The following ARK2N variants were observed in gnomAD, a reference collection of about 807,000 sequenced individuals.
ARK2N encodes arkadia (RNF111) N-terminal like PKA signaling regulator 2N, also known as protein ARK2N.
At chr18:46,216,035 TTTC>T in the ARK2N span, 1 of 1,614,132 alleles carries the variant, frequency 6.2e-7, no homozygotes, top group South Asian at 1.1e-5. The surrounding 1 kb of genome is among the most constrained non-coding windows in gnomAD (Gnocchi z 4.3). Context: ...TCTACAGTTA[TTTC>T]TTCAATGCCC....
At chr18:46,262,992 G>T in the ARK2N span, 15 of 1,614,004 alleles carry the variant, frequency 9.3e-6, no homozygotes, top group African/African-American at 1.3e-5. Flanking sequence ...GCTCGGGCAC[G>T]CAGTATGTTA....
chr18:46,228,150 A>G, the ARK2N span, among the ~76,000 whole-genome samples: 2 of 152,164 alleles, frequency 1.3e-5, no homozygotes, highest in African/African-American at 4.8e-5. Context: ...TTGGTTTTGG[A>G]TGACTGACTG....
the ARK2N span, among the ~76,000 whole-genome samples, chr18:46,204,104 C>A: frequency 7.5e-6 from 1 of 132,632 alleles, no homozygotes. Context: ...TTTTTATGTT[C>A]TTTTTTTTTT....
the ARK2N span, among the ~76,000 whole-genome samples, chr18:46,255,439 TCTTTTC>T: frequency 8.1e-6 from 1 of 123,408 alleles, no homozygotes; most frequent in African/African-American, 3.2e-5. Flanking sequence ...GCTTTTCTTT[TCTTTTC>T]TTTTTTTTTT....
the ARK2N span, among the ~76,000 whole-genome samples, chr18:46,226,473 G>T: frequency 1.3e-5 from 2 of 152,124 alleles, no homozygotes; most frequent in Non-Finnish European, 1.5e-5. Flanking sequence ...ATTGGGTGGG[G>T]TTTTAAATTG....
chr18:46,203,143 A>G, the ARK2N span, among the ~76,000 whole-genome samples: 1 of 152,222 alleles, frequency 6.6e-6, no homozygotes, highest in East Asian at 1.9e-4. Flanking sequence ...TCCTGGGTAT[A>G]TATACAACAG....
the ARK2N span, among the ~76,000 whole-genome samples, chr18:46,178,181 A>G: frequency 0.017 from 2,648 of 152,322 alleles, 70 homozygotes; most frequent in African/African-American, 0.06. Flanking sequence ...AGGAATGGAT[A>G]GGGCAGATGG....
chr18:46,197,253 C>CT, the ARK2N span, among the ~76,000 whole-genome samples: 70 of 149,280 alleles, frequency 4.7e-4, no homozygotes, highest in Admixed American at 3.1e-3. Flanking sequence ...GTGTCCCTTT[C>CT]TTTTTTTTTT....
chr18:46,234,158 T>C, the ARK2N span, among the ~76,000 whole-genome samples: 108,253 of 152,138 alleles, frequency 0.71, 38,772 homozygotes, highest in Middle Eastern at 0.76. Flanking sequence ...TGATCTTAGT[T>C]AAAAGGCCGA....
At chr18:46,206,038 T>G in the ARK2N span, among the ~76,000 whole-genome samples, 1 of 150,880 alleles carries the variant, frequency 6.6e-6, no homozygotes, top group Non-Finnish European at 1.5e-5. Context: ...TAGAGACCTG[T>G]GTTATGAGGA....
the ARK2N span, among the ~76,000 whole-genome samples, chr18:46,177,221 G>A: frequency 1.4e-4 from 22 of 152,054 alleles, no homozygotes; most frequent in African/African-American, 4.8e-4. Context: ...TATAAAAGGG[G>A]AGAGCTATAT....
the ARK2N span, chr18:46,228,794 C>T: frequency 2.3e-5 from 9 of 398,390 alleles, no homozygotes; most frequent in Admixed American, 8.8e-5. Context: ...TGGCCTCAGA[C>T]GCCTGGGCTT....
the ARK2N span, among the ~76,000 whole-genome samples, chr18:46,224,122 C>G: frequency 1.3e-5 from 2 of 152,126 alleles, no homozygotes; most frequent in African/African-American, 4.8e-5. Context: ...TACACATGTT[C>G]AGGTGTTTGG....
chr18:46,210,889 C>T, the ARK2N span, among the ~76,000 whole-genome samples: 198 of 146,248 alleles, frequency 1.4e-3, 4 homozygotes, highest in South Asian at 0.039. Flanking sequence ...CCAGCCTGGG[C>T]GACAGAGTGA....
At chr18:46,188,556 C>T in the ARK2N span, among the ~76,000 whole-genome samples, 376 of 152,156 alleles carry the variant, frequency 2.5e-3, 1 homozygote, top group African/African-American at 8.7e-3. Context: ...ATGTTGCCTA[C>T]GCTGGTCTCG....
chr18:46,198,693 G>A, the ARK2N span, among the ~76,000 whole-genome samples: 1 of 152,002 alleles, frequency 6.6e-6, no homozygotes, highest in Admixed American at 6.6e-5. Flanking sequence ...CCACCTCCCG[G>A]GTTCAAGTGA....
At chr18:46,215,728 C>T in the ARK2N span, 1 of 658,656 alleles carries the variant, frequency 1.5e-6, no homozygotes, top group Non-Finnish European at 2.6e-6. Context: ...TAAGTTTTGC[C>T]CCACCCACTT....
At chr18:46,184,539 T>C in the ARK2N span, among the ~76,000 whole-genome samples, 1 of 152,152 alleles carries the variant, frequency 6.6e-6, no homozygotes, top group Non-Finnish European at 1.5e-5. Context: ...CTGGGTAACA[T>C]AGTGAAACTC....
chr18:46,177,913 A>G, the ARK2N span, among the ~76,000 whole-genome samples: 1 of 152,108 alleles, frequency 6.6e-6, no homozygotes, highest in African/African-American at 2.4e-5. Context: ...AAAAAATAAT[A>G]ATTCATATGG....
Sources: gnomAD v4.1 joint callset for allele counts (sites outside exome capture counted in the v4.1 genomes callset) on GRCh38, gnomAD v4.1.1 for gene constraint, Gnocchi (gnomAD v3.1) non-coding constraint, MANE v1.5 for transcripts, NCBI Gene and HGNC (gene_info 2026-07-23, HGNC 2026-07-21) for gene names.